ZSCAN25: variants seen among roughly 807,000 people sequenced by gnomAD.
ZSCAN25 encodes the protein zinc finger and SCAN domain containing 25, also known as zinc finger and SCAN domain-containing protein 25.
Under a neutral mutation model 38.7 loss-of-function variants are expected in ZSCAN25, and 27 were observed. That is an observed-to-expected ratio of 0.70 (90% CI 0.51 to 0.96). The LOEUF is 0.96. ZSCAN25 is among the 40% of genes least tolerant of loss of function. The probability of loss-of-function intolerance (pLI) is 0.00; values close to 1 mark genes in which losing one functional copy is unlikely to be tolerated. For missense variants in ZSCAN25, 637 were observed against 705.9 expected, an observed-to-expected ratio of 0.90 and a Z score of 1.11; for synonymous variants, 273 against 277.7, an observed-to-expected ratio of 0.98 and a Z score of 0.17.
intron 7 of ZSCAN25, among the ~76,000 whole-genome samples, chr7:99,626,273 C>T (rs763502775): frequency 6.6e-5 from 10 of 152,082 alleles, no homozygotes; most frequent in Non-Finnish European, 1.5e-4. Context: ...GATGAGTGCT[C>T]AGAGGAGTAA....
chr7:99,728,496 T>G, the ZSCAN25 span, among the ~76,000 whole-genome samples: 2 of 152,226 alleles, frequency 1.3e-5, no homozygotes, highest in African/African-American at 4.8e-5. Flanking sequence ...CCTAAGAGTC[T>G]GGGTGCAAGA....
the ZSCAN25 span, chr7:99,652,516 G>T: frequency 6.8e-7 from 1 of 1,461,158 alleles, no homozygotes; most frequent in Non-Finnish European, 9.4e-7. Context: ...GAACCAGCCT[G>T]GGTCAGGGTG....
the ZSCAN25 span, among the ~76,000 whole-genome samples, chr7:99,730,107 A>C: frequency 6.6e-6 from 1 of 152,180 alleles, no homozygotes; most frequent in African/African-American, 2.4e-5. Context: ...CTGTGGAAAT[A>C]AGCTCATAAT....
chr7:99,631,176 G>T lies in ZSCAN25; in HGVS notation c.*1156G>T, dbSNP rs909148005. 1 of 985,244 alleles carries T rather than the reference G, an allele frequency of 1.0e-6. No homozygotes were observed. The highest frequency in any genetic ancestry group is 1.2e-6 in the Non-Finnish European group (1 of 829,938). 61.0% of individuals were successfully genotyped at this position (985,244 alleles called of 1,614,324 possible). The stretch of plus-strand genomic sequence containing the variant: ...TGGGCCTGTATTCATTGCTTTGTCA[G>T]CATCTTGCCCTGAAATGCATTTGTC... On this transcript the variant is annotated 3_prime_UTR_variant, in exon 8 of 8. Transcript: ENST00000394152.
At position 99,616,993 on chromosome 7, in the gene ZSCAN25, A is replaced by G. The variant is rs1210007914; in HGVS notation, c.-282A>G. The G allele has an allele frequency of 6.6e-6, 1 of 152,216 alleles. No individual in the cohort carries two copies. Among genetic ancestry groups the G allele is most frequent in the Admixed American group, 6.5e-5 (1 of 15,282 alleles). The allele number at this position is 152,216 out of a possible 1,614,324, so 9.4% of individuals were successfully genotyped here. A position where few individuals can be genotyped will look rare whatever the true frequency, so the allele number is the denominator to read the frequency against. On this transcript the variant is annotated 5_prime_UTR_variant, in exon 1 of 8. Transcript: ENST00000394152. The stretch of plus-strand genomic sequence containing the variant: ...ATAGCACTGGCGACCCTAGCGGGTG[A>G]GAGGCCCTTCAGGGCCGCGGCGGGT...
At chr7:99,715,638 A>G in the ZSCAN25 span, 1 of 1,535,688 alleles carries the variant, frequency 6.5e-7, no homozygotes, top group Non-Finnish European at 9.0e-7. Flanking sequence ...ATATCTTCAA[A>G]TGTACTACAA....
the ZSCAN25 span, chr7:99,638,610 C>T: frequency 6.3e-7 from 1 of 1,582,770 alleles, no homozygotes; most frequent in South Asian, 1.1e-5. Context: ...TTTTGTAAGT[C>T]ACTGTCTCCA....
chr7:99,627,435 A>G (rs2151288517), intron 7 of ZSCAN25, among the ~76,000 whole-genome samples: 1 of 152,320 alleles, frequency 6.6e-6, no homozygotes, highest in East Asian at 1.9e-4. Context: ...CTGTATCTGT[A>G]TATCTATCTA....
Position 99,624,312 on chromosome 7 carries a change from G to A in ZSCAN25, c.805+132G>A, listed in dbSNP as rs1418666517. On this transcript the variant is annotated intron_variant, in intron 7 of 7. Transcript: ENST00000394152. ...GCAGGCGGGTAAATGGGTCCAGCAC[G>A]GACCATGGGGCACGAGGAGCTGCTT... 3.1e-5 allele frequency: 34 copies of A among 1,081,364 alleles called. No homozygotes were observed. The South Asian group carries it at 3.3e-4, about 11-fold the overall frequency. 67.0% of individuals were successfully genotyped at this position (1,081,364 alleles called of 1,614,324 possible). A position where few individuals can be genotyped will look rare whatever the true frequency, so the allele number is the denominator to read the frequency against.
chr7:99,680,620 A>G, the ZSCAN25 span, among the ~76,000 whole-genome samples: 3 of 152,086 alleles, frequency 2.0e-5, no homozygotes, highest in Non-Finnish European at 4.4e-5. Context: ...GTGGGTAACC[A>G]GGAATGTTGG....
the ZSCAN25 span, among the ~76,000 whole-genome samples, chr7:99,670,645 C>CT: frequency 1.3e-5 from 2 of 152,198 alleles, no homozygotes; most frequent in Non-Finnish European, 2.9e-5. Flanking sequence ...CTTTACTGGA[C>CT]TTTTGTAAGA....
chr7:99,676,612 C>T, the ZSCAN25 span: 3,137 of 1,270,910 alleles, frequency 2.5e-3, 3 homozygotes, highest in Non-Finnish European at 3.0e-3. Flanking sequence ...TTGTCTTTTG[C>T]ACTGATGATG....
chr7:99,640,137 TC>T, the ZSCAN25 span, among the ~76,000 whole-genome samples: 15 of 152,298 alleles, frequency 9.8e-5, no homozygotes, highest in East Asian at 2.9e-3. Context: ...TTCGTTTTCT[TC>T]CCACCCTCAA....
chr7:99,679,958 G>C, the ZSCAN25 span: 1 of 1,472,334 alleles, frequency 6.8e-7, no homozygotes, highest in Non-Finnish European at 9.5e-7. Context: ...GCTGCTGTTT[G>C]CTGGGCTGTT....
At chr7:99,624,300 TGGGTCCAGCAC>T in intron 7 of ZSCAN25, 120 bp downstream of exon 7, 1 of 1,328,724 alleles carries the variant, frequency 7.5e-7, no homozygotes, top group East Asian at 2.3e-5. Flanking sequence ...GGCGGGTAAA[TGGGTCCAGCAC>T]GGACCATGGG....
the ZSCAN25 span, chr7:99,660,013 C>G: frequency 5.8e-6 from 1 of 171,338 alleles, no homozygotes; most frequent in Admixed American, 6.5e-5. Context: ...TTGCACTTCC[C>G]AGGTGAGGTG....
the ZSCAN25 span, among the ~76,000 whole-genome samples, chr7:99,737,423 A>T: frequency 0.026 from 3,952 of 152,048 alleles, 166 homozygotes; most frequent in African/African-American, 0.086. Context: ...AGAACAAAGG[A>T]CTCCATCTCA....
chr7:99,660,379 T>TA, the ZSCAN25 span: 1 of 1,465,066 alleles, frequency 6.8e-7, no homozygotes, highest in East Asian at 2.5e-5. Flanking sequence ...GCTTCCTACA[T>TA]TATGTCAGTG....
chr7:99,724,985 C>T, the ZSCAN25 span, among the ~76,000 whole-genome samples: 1 of 152,160 alleles, frequency 6.6e-6, no homozygotes, highest in East Asian at 1.9e-4. Flanking sequence ...GTGCCATGAG[C>T]CAGACCTTCA....
Sources: gnomAD v4.1 joint callset for allele counts (sites outside exome capture counted in the v4.1 genomes callset) on GRCh38, gnomAD v4.1.1 for gene constraint, MANE v1.5 for transcripts, NCBI Gene and HGNC (gene_info 2026-07-23, HGNC 2026-07-21) for gene names.